The following CHRM3 variants were observed in gnomAD, a reference collection of about 807,000 sequenced individuals.
CHRM3 encodes the protein cholinergic receptor muscarinic 3, also known as muscarinic acetylcholine receptor M3.
A neutral mutation model predicts 41.8 loss-of-function variants in CHRM3; 11 were observed. The ratio of observed to expected loss-of-function variants is 0.26; its 90% CI spans 0.17 to 0.44. The LOEUF (loss-of-function observed/expected upper bound fraction) is 0.44. Among genes scored for constraint, CHRM3 ranks in the 20% least tolerant of loss-of-function variants. The pLI, the probability that CHRM3 is intolerant of heterozygous loss-of-function variation, is 1.00. For synonymous variants in CHRM3, 297 were observed against 301.4 expected (o/e 0.99, Z 0.15); for missense variants, 571 against 745.4 (o/e 0.77, Z 2.72).
At chr1:239,573,406 G>C (rs1183008012) in intron 3 of CHRM3, among the ~76,000 whole-genome samples, 1 of 152,044 alleles carries the variant, frequency 6.6e-6, no homozygotes, top group Non-Finnish European at 1.5e-5. Flanking sequence ...TATGTCCCAG[G>C]GCCAAAGCCT....
At chr1:239,638,758 G>A (rs368380419) in intron 4 of CHRM3, among the ~76,000 whole-genome samples, 12 of 151,606 alleles carry the variant, frequency 7.9e-5, no homozygotes, top group Non-Finnish European at 1.2e-4. Context: ...GCAGAAGCTC[G>A]TTAGTTTAAT....
intron 1 of CHRM3, among the ~76,000 whole-genome samples, chr1:239,431,049 G>A (rs1662798217): frequency 6.6e-6 from 1 of 151,986 alleles, no homozygotes; most frequent in East Asian, 1.9e-4. Context: ...ACATTATACT[G>A]TGGAACCAAA....
chr1:239,492,228 C>A (rs1378502210), intron 1 of CHRM3, among the ~76,000 whole-genome samples: 3 of 152,160 alleles, frequency 2.0e-5, no homozygotes, highest in Admixed American at 1.3e-4. Flanking sequence ...ACCTACCTAC[C>A]TAGAGAGCTC....
chr1:239,862,636 A>G (rs1192932729), intron 6 of CHRM3, among the ~76,000 whole-genome samples: 3 of 152,198 alleles, frequency 2.0e-5, no homozygotes, highest in African/African-American at 7.2e-5. Context: ...ATAGTTATTG[A>G]TTTGATTTCT....
intron 4 of CHRM3, among the ~76,000 whole-genome samples, chr1:239,641,235 T>C (rs1671112339): frequency 6.6e-6 from 1 of 152,122 alleles, no homozygotes; most frequent in South Asian, 2.1e-4. Flanking sequence ...AAAAAATGTA[T>C]ATTCTGTTGA....
chr1:239,558,415 T>C (rs1660568832), intron 3 of CHRM3, among the ~76,000 whole-genome samples: 1 of 152,182 alleles, frequency 6.6e-6, no homozygotes, highest in Non-Finnish European at 1.5e-5. Context: ...CCAGACACAT[T>C]CTGAATGGGA....
At chr1:239,543,857 T>G (rs576270908) in intron 2 of CHRM3, among the ~76,000 whole-genome samples, 9 of 152,138 alleles carry the variant, frequency 5.9e-5, no homozygotes, top group Admixed American at 1.3e-4. Flanking sequence ...TCAGGCTTTG[T>G]GGGTCATACT....
In CHRM3 at chr1:239,681,569, A is replaced by G. The variant is rs151129470; in HGVS notation, c.-147+3281A>G. Reference sequence around the variant, plus strand: ...TAAAAACGTAGCTAAAAACATGTATATGACATTCAAGTAACTGAGACCAAT... The same window carrying G: ...TAAAAACGTAGCTAAAAACATGTATGTGACATTCAAGTAACTGAGACCAAT... On this transcript the variant is annotated intron_variant, in intron 5 of 6. Coordinates refer to ENST00000676153, the MANE Select transcript of CHRM3 (RefSeq NM_001375978.1). Among the ~76,000 whole-genome samples, 913 of 152,314 alleles carry G rather than the reference A, an allele frequency of 6.0e-3. 6 individuals are homozygous for G. Among genetic ancestry groups the G allele is most frequent in the Non-Finnish European group, 8.3e-3 (565 of 68,032 alleles).
At chr1:239,458,421 T>C (rs1408676586) in intron 1 of CHRM3, among the ~76,000 whole-genome samples, 2 of 152,094 alleles carry the variant, frequency 1.3e-5, no homozygotes, top group African/African-American at 2.4e-5. Flanking sequence ...CAGGGCTGTA[T>C]TGGTGTGGTT....
intron 3 of CHRM3, among the ~76,000 whole-genome samples, chr1:239,585,617 C>T (rs974579017): frequency 6.6e-6 from 1 of 152,178 alleles, no homozygotes; most frequent in African/African-American, 2.4e-5. Context: ...AACTAACCAT[C>T]ACAGTTTGAG....
intron 1 of CHRM3, among the ~76,000 whole-genome samples, chr1:239,425,692 A>G (rs1256934638): frequency 6.6e-6 from 1 of 152,224 alleles, no homozygotes; most frequent in Non-Finnish European, 1.5e-5. Context: ...ACAGGCAGGA[A>G]ACTTCACAAA....
chr1:239,708,504 C>G (rs1425344824), intron 5 of CHRM3, among the ~76,000 whole-genome samples: 1 of 152,072 alleles, frequency 6.6e-6, no homozygotes, highest in African/African-American at 2.4e-5. Flanking sequence ...GGTGGATTTC[C>G]TAACTATCCT....
intron 1 of CHRM3, among the ~76,000 whole-genome samples, chr1:239,433,256 A>T (rs1388112368): frequency 6.6e-6 from 1 of 152,138 alleles, no homozygotes; most frequent in African/African-American, 2.4e-5. Context: ...GCTATTGTTT[A>T]TCTGTGGTCT....
intron 3 of CHRM3, among the ~76,000 whole-genome samples, chr1:239,606,376 T>C (rs12738125): frequency 0.3 from 44,836 of 151,542 alleles, 8,239 homozygotes; most frequent in Middle Eastern, 0.5. Flanking sequence ...CCTGGGTTCA[T>C]GCCATTCTCC....
chr1:239,657,972 T>A (rs1023335808), intron 4 of CHRM3, among the ~76,000 whole-genome samples: 3 of 152,132 alleles, frequency 2.0e-5, no homozygotes, highest in Non-Finnish European at 2.9e-5. Flanking sequence ...AAAAAAAAAG[T>A]GAGAACAATG....
At chr1:239,542,656 T>A (rs1448498896) in intron 2 of CHRM3, among the ~76,000 whole-genome samples, 1 of 152,164 alleles carries the variant, frequency 6.6e-6, no homozygotes, top group African/African-American at 2.4e-5. Flanking sequence ...CAAGAATATA[T>A]CAGAGTTGGT....
chr1:239,843,675 A>T (rs553221991), intron 6 of CHRM3, among the ~76,000 whole-genome samples: 2 of 152,214 alleles, frequency 1.3e-5, no homozygotes, highest in Admixed American at 1.3e-4. Context: ...TTACCAGCTA[A>T]AAAAGACTTT....
chr1:239,399,656 T>C (rs1033843772), intron 1 of CHRM3, among the ~76,000 whole-genome samples: 1 of 152,148 alleles, frequency 6.6e-6, no homozygotes, highest in African/African-American at 2.4e-5. Context: ...AGTCCAATCA[T>C]TTGGTTGCGG....
At chr1:239,506,471 G>A (rs190664709) in intron 2 of CHRM3, among the ~76,000 whole-genome samples, 17 of 152,288 alleles carry the variant, frequency 1.1e-4, no homozygotes, top group African/African-American at 3.6e-4. Context: ...GCCTGTGTGT[G>A]CATGGAAGTC....
Sources: allele counts gnomAD v4.1 joint callset (sites outside exome capture counted in the v4.1 genomes callset), GRCh38; gene constraint gnomAD v4.1.1; transcripts MANE v1.5; gene names NCBI Gene and HGNC (gene_info 2026-07-23, HGNC 2026-07-21).